Variants in KCTD8 observed in about 807,000 individuals in gnomAD.
KCTD8 encodes the protein BTB/POZ domain-containing protein KCTD8.
A neutral mutation model predicts 31.5 loss-of-function variants in KCTD8; 27 were observed. The observed-to-expected ratio is 0.86, with a 90% CI of 0.63 to 1.18. The LOEUF (loss-of-function observed/expected upper bound fraction) is 1.18, where lower values mean the gene tolerates loss of function less well. KCTD8 is among the 50% of genes most tolerant of loss of function. KCTD8 has a pLI of 0.00. For synonymous variants in KCTD8, 290 were observed against 280.0 expected, an observed-to-expected ratio of 1.04 and a Z score of -0.36; for missense variants, 658 against 647.7, an observed-to-expected ratio of 1.02 and a Z score of -0.17.
chr4:44,387,049 G>A (rs572513418), intron 1 of KCTD8, among the ~76,000 whole-genome samples: 1 of 151,922 alleles, frequency 6.6e-6, no homozygotes, highest in Admixed American at 6.6e-5. Flanking sequence ...AAAAATCAGT[G>A]TGCAAAAATC....
intron 1 of KCTD8, among the ~76,000 whole-genome samples, chr4:44,200,089 C>A (rs1349652347): frequency 6.6e-6 from 1 of 151,572 alleles, no homozygotes; most frequent in African/African-American, 2.4e-5. Flanking sequence ...TATACAAGCT[C>A]CCAAGATTGA....
chr4:44,334,233 T>C (rs1472298035), intron 1 of KCTD8, among the ~76,000 whole-genome samples: 2 of 152,108 alleles, frequency 1.3e-5, no homozygotes, highest in Non-Finnish European at 2.9e-5. Context: ...TTCTAGTTAC[T>C]ATGATACAGC....
rs531137942 is a variant in KCTD8 at position 44,310,079 on chromosome 4, G to A, written c.962-134829C>T. Among the ~76,000 whole-genome samples, 4 of 152,140 alleles carry A rather than the reference G, an allele frequency of 2.6e-5. No individual in the cohort carries two copies. The South Asian group carries it at 8.3e-4, about 32-fold the overall frequency. On this transcript the variant is annotated intron_variant, in intron 1 of 1. Coordinates refer to ENST00000360029, the MANE Select transcript of KCTD8 (RefSeq NM_198353.3). ...CATGGGACCTGGTATTATTAAATTA[G>A]ATTCAATTGAGAAGAAATATAACCT...
chr4:44,270,068 G>A (rs1716533076), intron 1 of KCTD8, among the ~76,000 whole-genome samples: 1 of 152,024 alleles, frequency 6.6e-6, no homozygotes, highest in Admixed American at 6.6e-5. Context: ...TATAAATTAT[G>A]CTGCTATAAA....
chr4:44,302,761 T>C (rs973152664), intron 1 of KCTD8, among the ~76,000 whole-genome samples: 4 of 151,872 alleles, frequency 2.6e-5, no homozygotes, highest in African/African-American at 7.3e-5. Context: ...CTATGTTGAA[T>C]AGGAGTGGTG....
At chr4:44,353,487 T>C (rs1176412930) in intron 1 of KCTD8, among the ~76,000 whole-genome samples, 4 of 152,068 alleles carry the variant, frequency 2.6e-5, no homozygotes, top group African/African-American at 9.7e-5. Flanking sequence ...GCAATTCTAC[T>C]CTATTATCTT....
chr4:44,420,618 T>C (rs1721186620), intron 1 of KCTD8, among the ~76,000 whole-genome samples: 1 of 152,126 alleles, frequency 6.6e-6, no homozygotes, highest in Admixed American at 6.6e-5. Flanking sequence ...ACACTTCTGT[T>C]AACTGGCAAG....
At chr4:44,273,025 A>T (rs1716656884) in intron 1 of KCTD8, among the ~76,000 whole-genome samples, 1 of 152,008 alleles carries the variant, frequency 6.6e-6, no homozygotes, top group African/African-American at 2.4e-5. Context: ...TTCTCACTTG[A>T]CTTGAAGAGT....
At chr4:44,329,042 C>T (rs1241383089) in intron 1 of KCTD8, among the ~76,000 whole-genome samples, 1 of 151,774 alleles carries the variant, frequency 6.6e-6, no homozygotes, top group African/African-American at 2.4e-5. Context: ...GTTTTGGGAT[C>T]ATGGTTAGGC....
chr4:44,419,301 C>T (rs1721154127), intron 1 of KCTD8, among the ~76,000 whole-genome samples: 1 of 152,126 alleles, frequency 6.6e-6, no homozygotes, highest in African/African-American at 2.4e-5. Context: ...CAACTGAGGT[C>T]CCAAGAACAA....
intron 1 of KCTD8, among the ~76,000 whole-genome samples, chr4:44,214,747 C>G (rs1259798483): frequency 6.6e-6 from 1 of 152,116 alleles, no homozygotes; most frequent in Non-Finnish European, 1.5e-5. Context: ...GAAACAAAGT[C>G]GGTAACAGTC....
At chr4:44,312,323 A>G (rs1466870535) in intron 1 of KCTD8, among the ~76,000 whole-genome samples, 2 of 152,102 alleles carry the variant, frequency 1.3e-5, no homozygotes, top group Non-Finnish European at 1.5e-5. Context: ...TAGACTTCCT[A>G]ATTGCATCTG....
At chr4:44,434,113 A>AT (rs539539461) in intron 1 of KCTD8, among the ~76,000 whole-genome samples, 1 of 151,778 alleles carries the variant, frequency 6.6e-6, no homozygotes, top group Non-Finnish European at 1.5e-5. Flanking sequence ...CGAACATGCC[A>AT]TTTTTGCATG....
At chr4:44,306,231 AAG>A (rs1330746322) in intron 1 of KCTD8, among the ~76,000 whole-genome samples, 6 of 152,048 alleles carry the variant, frequency 3.9e-5, no homozygotes, top group African/African-American at 1.2e-4. Flanking sequence ...GTCAGTTAAA[AAG>A]AGATAAATAA....
At chr4:44,251,417 A>G (rs771362954) in intron 1 of KCTD8, among the ~76,000 whole-genome samples, 1 of 151,714 alleles carries the variant, frequency 6.6e-6, no homozygotes, top group Admixed American at 6.6e-5. Flanking sequence ...AAGAACTGAC[A>G]TCTTTATTTA....
chr4:44,265,437 T>C (rs562706338), intron 1 of KCTD8, among the ~76,000 whole-genome samples: 1 of 151,746 alleles, frequency 6.6e-6, no homozygotes, highest in South Asian at 2.1e-4. Context: ...ACCACAAAGA[T>C]GGGGAAAAAA....
intron 1 of KCTD8, 38 bp from the exon 2 acceptor site, chr4:44,175,288 G>A: frequency 8.1e-7 from 1 of 1,241,572 alleles, no homozygotes; most frequent in African/African-American, 1.5e-5. Flanking sequence ...GAGTAGAACA[G>A]TTGAATAAGA....
intron 1 of KCTD8, among the ~76,000 whole-genome samples, chr4:44,239,307 C>T (rs934291423): frequency 8.5e-5 from 13 of 152,160 alleles, no homozygotes; most frequent in African/African-American, 3.1e-4. Flanking sequence ...AAGAACACAG[C>T]CTCTGGAACC....
At chr4:44,210,890 C>T (rs975369836) in intron 1 of KCTD8, among the ~76,000 whole-genome samples, 2 of 152,114 alleles carry the variant, frequency 1.3e-5, no homozygotes, top group East Asian at 3.9e-4. Context: ...GCATCAATGT[C>T]ATCATCAATA....
Sources: allele counts gnomAD v4.1 joint callset (sites outside exome capture counted in the v4.1 genomes callset), GRCh38; gene constraint gnomAD v4.1.1; transcripts MANE v1.5; gene names NCBI Gene and HGNC (gene_info 2026-07-23, HGNC 2026-07-21).